The following MAPK10 variants were observed in gnomAD, a reference collection of about 807,000 sequenced individuals.
MAPK10 encodes the protein mitogen-activated protein kinase 10.
Under a neutral mutation model 59.3 loss-of-function variants are expected in MAPK10, and 25 were observed. That is an observed-to-expected ratio of 0.42 (90% CI 0.31 to 0.59). The LOEUF (loss-of-function observed/expected upper bound fraction) is 0.59. Ranked by LOEUF, MAPK10 falls within the 20% of genes least tolerant of loss-of-function variation. The probability of loss-of-function intolerance (pLI) is 0.15; values close to 1 mark genes in which losing one functional copy is unlikely to be tolerated. For missense variants in MAPK10, 351 were observed against 568.9 expected (o/e 0.62, Z 3.90); for synonymous variants, 190 against 200.5 (o/e 0.95, Z 0.44).
intron 1 of MAPK10, among the ~76,000 whole-genome samples, chr4:86,574,141 T>C (rs1057469361): frequency 3.3e-5 from 5 of 151,870 alleles, no homozygotes; most frequent in Admixed American, 1.3e-4. Flanking sequence ...CACCTATGAG[T>C]GAGAACATGC....
At chr4:86,295,718 T>C (rs2095343135) in intron 2 of MAPK10, among the ~76,000 whole-genome samples, 1 of 147,686 alleles carries the variant, frequency 6.8e-6, no homozygotes, top group Non-Finnish European at 1.5e-5. Context: ...TATGTCTTTA[T>C]ATATGAATAT....
chr4:86,150,967 G>C (rs1050895486), intron 4 of MAPK10, among the ~76,000 whole-genome samples: 1 of 152,158 alleles, frequency 6.6e-6, no homozygotes, highest in African/African-American at 2.4e-5. Context: ...GAGAGAAAGA[G>C]GGGTTGTTTG....
chr4:86,348,726 G>T (rs1439474516), intron 2 of MAPK10, among the ~76,000 whole-genome samples: 1 of 151,984 alleles, frequency 6.6e-6, no homozygotes, highest in Non-Finnish European at 1.5e-5. Context: ...TCTTAGTTCT[G>T]CCTTCAGTAC....
At chr4:86,044,889 A>C (rs574078339) in intron 11 of MAPK10, 2 of 395,658 alleles carry the variant, frequency 5.1e-6, no homozygotes, top group Non-Finnish European at 8.9e-6. Context: ...AACTAGTTCC[A>C]AATGTTCAAC....
chr4:86,190,468 T>C (rs1315560019), intron 3 of MAPK10, among the ~76,000 whole-genome samples: 1 of 152,210 alleles, frequency 6.6e-6, no homozygotes, highest in Non-Finnish European at 1.5e-5. Flanking sequence ...CCTGGTTTAG[T>C]CTTGGGAGGG....
upstream of MAPK10, among the ~76,000 whole-genome samples, chr4:86,364,671 T>C (rs1737546641): frequency 1.3e-5 from 2 of 152,168 alleles, no homozygotes; most frequent in African/African-American, 4.8e-5. Flanking sequence ...ATATTTCCCA[T>C]TCCCGGTTGG....
intron 2 of MAPK10, among the ~76,000 whole-genome samples, chr4:86,319,724 A>T (rs1387792324): frequency 6.6e-6 from 1 of 152,180 alleles, no homozygotes; most frequent in Non-Finnish European, 1.5e-5. Context: ...ATTCTGAAGT[A>T]CTAGAAGAGT....
chr4:86,462,305 G>T (rs543268639), intron 1 of MAPK10, among the ~76,000 whole-genome samples: 4 of 152,184 alleles, frequency 2.6e-5, no homozygotes, highest in Non-Finnish European at 5.9e-5. Context: ...TATTCAAATT[G>T]TTATATCTAC....
chr4:86,050,190 A>G (rs2043252879), intron 11 of MAPK10, among the ~76,000 whole-genome samples: 1 of 151,550 alleles, frequency 6.6e-6, no homozygotes, highest in Non-Finnish European at 1.5e-5. Flanking sequence ...CCTCCTAAAA[A>G]CCTCCTATGT....
intron 1 of MAPK10, among the ~76,000 whole-genome samples, chr4:86,406,930 C>T (rs905253941): frequency 1.3e-5 from 2 of 152,188 alleles, no homozygotes; most frequent in African/African-American, 4.8e-5. Flanking sequence ...ATGACCTTCA[C>T]ATGGCAATCT....
intron 2 of MAPK10, among the ~76,000 whole-genome samples, chr4:86,310,096 C>T (rs2095640899): frequency 6.6e-6 from 1 of 152,164 alleles, no homozygotes; most frequent in Admixed American, 6.5e-5. Context: ...TATTTCTCAC[C>T]TATCTCTGAC....
chr4:86,432,116 G>A (rs999422698), intron 1 of MAPK10, among the ~76,000 whole-genome samples: 4 of 152,136 alleles, frequency 2.6e-5, no homozygotes, highest in African/African-American at 9.7e-5. Context: ...GCCTAATGGT[G>A]GTTAGCTAGC....
intron 11 of MAPK10, among the ~76,000 whole-genome samples, chr4:86,064,000 G>A (rs2046242472): frequency 1.3e-5 from 2 of 152,118 alleles, no homozygotes; most frequent in South Asian, 4.1e-4. Flanking sequence ...ACAAGTATTG[G>A]CAATTTAACA....
At chr4:86,577,553 A>G (rs968132726) in intron 1 of MAPK10, among the ~76,000 whole-genome samples, 1 of 152,180 alleles carries the variant, frequency 6.6e-6, no homozygotes, top group East Asian at 1.9e-4. Context: ...AAATGGAAAA[A>G]TGTGTTTGTT....
intron 1 of MAPK10, among the ~76,000 whole-genome samples, chr4:86,384,838 T>C (rs548932800): frequency 5.9e-5 from 9 of 152,314 alleles, no homozygotes; most frequent in Middle Eastern, 3.4e-3. Flanking sequence ...CACAGCTATA[T>C]TGAAAGAATA....
chr4:86,173,705 G>C (rs555968154), intron 3 of MAPK10, among the ~76,000 whole-genome samples: 1 of 152,216 alleles, frequency 6.6e-6, no homozygotes, highest in South Asian at 2.1e-4. Flanking sequence ...CCTACAGAAT[G>C]GGAGAAAAAT....
intron 2 of MAPK10, among the ~76,000 whole-genome samples, chr4:86,291,053 T>G (rs2095210502): frequency 6.6e-6 from 1 of 152,178 alleles, no homozygotes; most frequent in Admixed American, 6.5e-5. Context: ...TACAGCATGG[T>G]AAGTGCAACT....
chr4:86,313,194 C>T (rs1160967101), intron 2 of MAPK10, among the ~76,000 whole-genome samples: 2 of 152,020 alleles, frequency 1.3e-5, no homozygotes, highest in African/African-American at 4.8e-5. Context: ...ATTGAATCTG[C>T]ATTTGAAAAA....
At chr4:86,492,399 A>G (rs1322786914) in intron 1 of MAPK10, among the ~76,000 whole-genome samples, 1 of 152,234 alleles carries the variant, frequency 6.6e-6, no homozygotes, top group Non-Finnish European at 1.5e-5. Context: ...AATAGAATAC[A>G]CATTCCCTAT....
Sources: allele counts gnomAD v4.1 joint callset (sites outside exome capture counted in the v4.1 genomes callset), GRCh38; gene constraint gnomAD v4.1.1; transcripts MANE v1.5; gene names NCBI Gene and HGNC (gene_info 2026-07-23, HGNC 2026-07-21).